The following SATB2 variants were observed in gnomAD, a reference collection of about 807,000 sequenced individuals.
The protein encoded by SATB2 is SATB homeobox 2.
In SATB2, 1 loss-of-function variant was observed where a neutral mutation model predicts 73.4. The observed-to-expected ratio is 0.01, with a 90% CI of 0.00 to 0.06. The LOEUF (loss-of-function observed/expected upper bound fraction) is 0.06, where lower values mean the gene tolerates loss of function less well. SATB2 is among the 10% of genes least tolerant of loss of function. The probability of loss-of-function intolerance (pLI) is 1.00; values close to 1 mark genes in which losing one functional copy is unlikely to be tolerated. For missense variants in SATB2, 459 were observed against 945.8 expected (o/e 0.49, Z 6.75); for synonymous variants, 397 against 367.0 (o/e 1.08, Z -0.93).
At chr2:199,332,789 T>C (rs1688225485) in intron 7 of SATB2, among the ~76,000 whole-genome samples, 1 of 152,138 alleles carries the variant, frequency 6.6e-6, no homozygotes, top group African/African-American at 2.4e-5. Flanking sequence ...TTCAGAAAAG[T>C]CTGGGAAACG....
upstream of SATB2, chr2:199,469,064 A>G (rs893291123): frequency 5.3e-5 from 8 of 152,248 alleles, no homozygotes; most frequent in African/African-American, 1.7e-4. Context: ...CTCCGAGGAA[A>G]GGCCGCGCGG....
intron 9 of SATB2, among the ~76,000 whole-genome samples, chr2:199,318,455 C>T (rs1574500519): frequency 6.6e-6 from 1 of 151,896 alleles, no homozygotes; most frequent in Non-Finnish European, 1.5e-5. Context: ...AAAAAGTTGT[C>T]CTAAAAAATT....
At chr2:199,329,061 T>C in intron 7 of SATB2, 151 bp from the exon 8 acceptor site, 2 of 697,768 alleles carry the variant, frequency 2.9e-6, no homozygotes, top group Non-Finnish European at 5.2e-6. Context: ...TTCTCCGATA[T>C]GAAGTCAATG....
intron 2 of SATB2, among the ~76,000 whole-genome samples, chr2:199,442,833 T>G (rs962316687): frequency 2.6e-5 from 4 of 152,202 alleles, no homozygotes; most frequent in Non-Finnish European, 5.9e-5. Context: ...TTCAAGGGTA[T>G]GGCATATTGT....
At chr2:199,340,123 A>G (rs1486845378) in intron 7 of SATB2, among the ~76,000 whole-genome samples, 1 of 152,194 alleles carries the variant, frequency 6.6e-6, no homozygotes, top group Admixed American at 6.5e-5. Context: ...CGTTCAATCT[A>G]ATTTTCCAAT....
intron 9 of SATB2, 80 bp from the exon 10 acceptor site, chr2:199,309,037 T>G: frequency 9.1e-7 from 1 of 1,096,694 alleles, no homozygotes; most frequent in Non-Finnish European, 1.4e-6. Flanking sequence ...TCCAGTGCCA[T>G]CACAGTACAT....
At chr2:199,327,120 C>T (rs749776426) in intron 8 of SATB2, among the ~76,000 whole-genome samples, 2 of 152,086 alleles carry the variant, frequency 1.3e-5, no homozygotes, top group Non-Finnish European at 2.9e-5. Context: ...GGTTTTGAAC[C>T]GCCCATTTTT....
At chr2:199,467,211 T>C (rs974770674), upstream of SATB2, among the ~76,000 whole-genome samples, 1 of 152,256 alleles carries the variant, frequency 6.6e-6, no homozygotes, top group Non-Finnish European at 1.5e-5. Context: ...AGCCCTCTTG[T>C]TGGCCGGTGG....
At chr2:199,344,241 G>A (rs1016370042) in intron 7 of SATB2, among the ~76,000 whole-genome samples, 5 of 151,784 alleles carry the variant, frequency 3.3e-5, no homozygotes, top group Non-Finnish European at 5.9e-5. Flanking sequence ...ACAGATGAAC[G>A]AACACACACA....
At chr2:199,419,554 T>C (rs1691102674) in intron 3 of SATB2, among the ~76,000 whole-genome samples, 1 of 152,194 alleles carries the variant, frequency 6.6e-6, no homozygotes, top group Non-Finnish European at 1.5e-5. Flanking sequence ...TTAGCATGGG[T>C]TATAAATTAC....
chr2:199,435,575 C>A (rs574178011), intron 2 of SATB2, among the ~76,000 whole-genome samples: 1 of 152,250 alleles, frequency 6.6e-6, no homozygotes, highest in Admixed American at 6.5e-5. Flanking sequence ...AACTCCTAAC[C>A]TCAGGTGATC....
chr2:199,463,673 G>A lies in SATB2; in HGVS notation c.-141+1163C>T, dbSNP rs570272257. Among the ~76,000 whole-genome samples the A allele has an allele frequency of 2.1e-4, 32 of 152,262 alleles. No homozygotes were observed. The highest frequency in any genetic ancestry group is 5.2e-4 in the Admixed American group (8 of 15,306). ...GCAGTCCACGGGTTAAGGATGTGGC[G>A]GGGGATGGGCAGGTCCCTGGCCCAG... On this transcript the variant is annotated intron_variant, in intron 1 of 11. Coordinates refer to the SATB2 transcript ENST00000260926. This position sits in a 1 kb window ranked among gnomAD's most constrained non-coding sequence, Gnocchi z 6.4.
chr2:199,384,660 C>T (rs929566991), intron 3 of SATB2, among the ~76,000 whole-genome samples: 6 of 152,134 alleles, frequency 3.9e-5, no homozygotes, highest in African/African-American at 1.4e-4. Flanking sequence ...TGCAGGCTTC[C>T]AAGTTAAATT....
chr2:199,300,020 A>G (rs1395859350), intron 10 of SATB2, among the ~76,000 whole-genome samples: 1 of 152,126 alleles, frequency 6.6e-6, no homozygotes, highest in African/African-American at 2.4e-5. Context: ...TTTCTACCGT[A>G]GTCTCTATTT....
At chr2:199,344,934 C>T (rs928623907) in intron 7 of SATB2, among the ~76,000 whole-genome samples, 16 of 152,158 alleles carry the variant, frequency 1.1e-4, no homozygotes, top group South Asian at 4.1e-4. Flanking sequence ...AGTCTTCTCC[C>T]AACCAACTGC....
Position 199,323,925 on chromosome 2 carries a change from T to C in SATB2, c.1420A>G (p.Ile474Val), listed in dbSNP as rs765116524. 24 of 1,613,306 alleles carry C rather than the reference T, an allele frequency of 1.5e-5. No individual in the cohort carries two copies. In the South Asian group the frequency reaches 1.9e-4, roughly 13 times the overall value. Residue 474 changes from isoleucine (I) to valine (V), a missense_variant, in exon 9 of 11, where the codon ATT (isoleucine) becomes GTT (valine). Ile to Val is a conservative substitution (Grantham distance 29). Coordinates refer to ENST00000417098, the MANE Select transcript of SATB2 (RefSeq NM_001172509.2). ...TTGATGTTGGCGCCGTCCACCTTAA[T>C]AGGGAGGTCTGTTGTCGGTGTCGAG... ...KTSTPTTDLP[I>V]KVDGANINIT...
intron 7 of SATB2, among the ~76,000 whole-genome samples, chr2:199,344,273 G>C (rs953665485): frequency 1.9e-4 from 29 of 152,028 alleles, no homozygotes; most frequent in African/African-American, 4.8e-4. Flanking sequence ...CACACACACA[G>C]AGACAGAGAA....
chr2:199,367,892 A>G (rs1689335140), intron 6 of SATB2, among the ~76,000 whole-genome samples: 1 of 152,132 alleles, frequency 6.6e-6, no homozygotes, highest in South Asian at 2.1e-4. Flanking sequence ...TTTACTACAC[A>G]AAGGAACTTT....
At chr2:199,398,175 A>C (rs1690359448) in intron 3 of SATB2, among the ~76,000 whole-genome samples, 1 of 152,112 alleles carries the variant, frequency 6.6e-6, no homozygotes, top group Non-Finnish European at 1.5e-5. Flanking sequence ...TGTTTTCCAG[A>C]CTAGAGAATC....
Sources: allele counts gnomAD v4.1 joint callset (sites outside exome capture counted in the v4.1 genomes callset), GRCh38; gene constraint gnomAD v4.1.1; non-coding constraint Gnocchi (gnomAD v3.1); transcripts MANE v1.5; gene names NCBI Gene and HGNC (gene_info 2026-07-23, HGNC 2026-07-21).